Variants in NUDCD1 observed in about 807,000 individuals in gnomAD.
The protein encoded by NUDCD1 is nudC domain-containing protein 1.
A neutral mutation model predicts 67.8 loss-of-function variants in NUDCD1; 60 were observed. The observed-to-expected ratio is 0.88, with a 90% confidence interval of 0.72 to 1.10. NUDCD1 has a LOEUF of 1.10. Ranked by LOEUF, NUDCD1 falls within the 50% of genes least tolerant of loss-of-function variation. The pLI is 0.00. For missense variants in NUDCD1, 643 were observed against 695.0 expected (o/e 0.93, Z 0.84); for synonymous variants, 244 against 230.8 (o/e 1.06, Z -0.52).
rs141000530 is a variant in NUDCD1 at position 109,278,776 on chromosome 8, A to G, written c.1028+2192T>C. On this transcript the variant is annotated intron_variant, in intron 6 of 9. Transcript: ENST00000239690. ...TCCATTGTATGAATATACCACACGT[A>G]CTTATCCATTCACCTTTTCAGTAAC... Among the ~76,000 whole-genome samples the G allele has an allele frequency of 4.3e-3, 658 of 152,354 alleles. 17 individuals are homozygous for G. The highest frequency in any genetic ancestry group is 0.039 in the Admixed American group (598 of 15,298).
At chr8:109,312,232 CAG>C (rs1005003180) in intron 2 of NUDCD1, among the ~76,000 whole-genome samples, 4 of 138,204 alleles carry the variant, frequency 2.9e-5, no homozygotes, top group African/African-American at 1.1e-4. Flanking sequence ...AACACGGAGG[CAG>C]AGTTTGCAGT....
intron 2 of NUDCD1, among the ~76,000 whole-genome samples, chr8:109,320,453 G>A (rs113901363): frequency 0.021 from 3,168 of 152,230 alleles, 113 homozygotes; most frequent in African/African-American, 0.072. Context: ...GCTCACCTGC[G>A]GTCAGAGTTT....
intron 8 of NUDCD1, among the ~76,000 whole-genome samples, chr8:109,257,376 T>G (rs1252279443): frequency 6.6e-6 from 1 of 152,060 alleles, no homozygotes; most frequent in Non-Finnish European, 1.5e-5. Context: ...TATATTAGAA[T>G]TCCAAAATAC....
At chr8:109,286,487 A>C (rs1445607148) in intron 5 of NUDCD1, among the ~76,000 whole-genome samples, 1 of 152,126 alleles carries the variant, frequency 6.6e-6, no homozygotes, top group Non-Finnish European at 1.5e-5. Context: ...ACCTATACCC[A>C]TCTGACAATC....
chr8:109,261,902 A>G (rs1390579801), intron 8 of NUDCD1, among the ~76,000 whole-genome samples: 7 of 152,188 alleles, frequency 4.6e-5, no homozygotes, highest in Admixed American at 2.0e-4. Context: ...GGGCTAGTAC[A>G]CACCATAAAG....
At chr8:109,333,037 G>A (rs1339373051) in intron 1 of NUDCD1, among the ~76,000 whole-genome samples, 1 of 152,146 alleles carries the variant, frequency 6.6e-6, no homozygotes, top group African/African-American at 2.4e-5. Context: ...TGTTACGGAA[G>A]GTGTCTTGTT....
At chr8:109,258,454 T>C (rs528975476) in intron 8 of NUDCD1, among the ~76,000 whole-genome samples, 10 of 152,106 alleles carry the variant, frequency 6.6e-5, no homozygotes, top group South Asian at 2.1e-4. Context: ...GCCAGGAACA[T>C]AGACTTCATC....
chr8:109,292,981 TATACTA>T (rs1814743259), intron 4 of NUDCD1, among the ~76,000 whole-genome samples: 1 of 152,048 alleles, frequency 6.6e-6, no homozygotes, highest in Non-Finnish European at 1.5e-5. Flanking sequence ...ACATTTAAAT[TATACTA>T]TAATGTATTA....
chr8:109,295,433 T>G (rs1411776692), intron 3 of NUDCD1, among the ~76,000 whole-genome samples: 1 of 152,200 alleles, frequency 6.6e-6, no homozygotes, highest in East Asian at 1.9e-4. Flanking sequence ...TATCTGAAAC[T>G]GTGAATGCAA....
At chr8:109,297,319 A>C (rs1221278543) in intron 2 of NUDCD1, among the ~76,000 whole-genome samples, 1 of 152,204 alleles carries the variant, frequency 6.6e-6, no homozygotes, top group East Asian at 1.9e-4. Context: ...TTTGTTAACA[A>C]ATTTTAATTG....
chr8:109,240,919 T>C lies in NUDCD1; in HGVS notation c.*2090A>G, dbSNP rs765190654. Reference sequence around the variant, plus strand: ...TGAATATTGTTAATGACTCTTAATATGCAAAACACATAAAATACTACTTTA... The same window carrying C: ...TGAATATTGTTAATGACTCTTAATACGCAAAACACATAAAATACTACTTTA... On this transcript the variant is annotated 3_prime_UTR_variant, in exon 10 of 10. Coordinates refer to ENST00000239690, the MANE Select transcript of NUDCD1 (RefSeq NM_032869.4). 6.6e-6 allele frequency: 1 copy of C among 152,200 alleles called. No homozygotes were observed. Among genetic ancestry groups the C allele is most frequent in the East Asian group, 1.9e-4 (1 of 5,198 alleles). 9.4% of individuals were successfully genotyped at this position (152,200 alleles called of 1,614,324 possible).
Position 109,242,905 on chromosome 8 carries a change from T to A in NUDCD1, c.*104A>T. 1 of 602,376 alleles carries A rather than the reference T, an allele frequency of 1.7e-6. No homozygotes were observed. The highest frequency in any genetic ancestry group is 2.8e-6 in the Non-Finnish European group (1 of 352,078). 37.3% of individuals were successfully genotyped at this position (602,376 alleles called of 1,614,324 possible). A position where few individuals can be genotyped will look rare whatever the true frequency, so the allele number is the denominator to read the frequency against. ...TTAAAAAATAAAAAATCATACAAGA[T>A]ATATTTAGCACATTAAAACTTAAGA... On this transcript the variant is annotated 3_prime_UTR_variant, in exon 10 of 10. Transcript: ENST00000239690.
At chr8:109,313,756 T>C (rs1289879395) in intron 2 of NUDCD1, 6 of 512,184 alleles carry the variant, frequency 1.2e-5, no homozygotes, top group Admixed American at 2.4e-5. Flanking sequence ...CTTCATTTTA[T>C]ACACAATTAT....
chr8:109,312,988 CCTT>C (rs1439822462), intron 2 of NUDCD1, among the ~76,000 whole-genome samples: 1 of 152,184 alleles, frequency 6.6e-6, no homozygotes, highest in Non-Finnish European at 1.5e-5. Flanking sequence ...AGTCTTCCCT[CCTT>C]CTAGGTAAGA....
At chr8:109,323,434 T>A (rs1330607471) in intron 1 of NUDCD1, among the ~76,000 whole-genome samples, 1 of 152,108 alleles carries the variant, frequency 6.6e-6, no homozygotes, top group Non-Finnish European at 1.5e-5. Flanking sequence ...AAGAATGGAA[T>A]CTTGCCAATT....
intron 7 of NUDCD1, among the ~76,000 whole-genome samples, chr8:109,272,536 A>G (rs1015518960): frequency 2.0e-5 from 3 of 152,228 alleles, no homozygotes; most frequent in South Asian, 2.1e-4. Context: ...CTGGTCTTAT[A>G]TACCTCACAG....
At chr8:109,245,832 C>T (rs188709383) in intron 8 of NUDCD1, among the ~76,000 whole-genome samples, 1 of 152,260 alleles carries the variant, frequency 6.6e-6, no homozygotes, top group East Asian at 1.9e-4. Context: ...AAGCAGGGGT[C>T]CCCAGTCACT....
intron 2 of NUDCD1, 107 bp downstream of exon 2, chr8:109,322,202 A>C: frequency 3.7e-6 from 2 of 542,458 alleles, no homozygotes; most frequent in Non-Finnish European, 6.7e-6. Context: ...TACTACAGGT[A>C]TGTGCACCTC....
chr8:109,255,393 G>C (rs1813705056), intron 8 of NUDCD1, among the ~76,000 whole-genome samples: 1 of 152,130 alleles, frequency 6.6e-6, no homozygotes, highest in Non-Finnish European at 1.5e-5. Flanking sequence ...TCTTTACCTT[G>C]ACTAGAGACT....
Sources: allele counts gnomAD v4.1 joint callset (sites outside exome capture counted in the v4.1 genomes callset), GRCh38; gene constraint gnomAD v4.1.1; transcripts MANE v1.5; gene names NCBI Gene and HGNC (gene_info 2026-07-23, HGNC 2026-07-21).